The following SOS1 variants were observed in gnomAD, a reference collection of about 807,000 sequenced individuals.
The protein encoded by SOS1 is son of sevenless homolog 1.
A neutral mutation model predicts 157.6 loss-of-function variants in SOS1; 25 were observed. The observed-to-expected ratio is 0.16, with a 90% confidence interval of 0.12 to 0.22. The LOEUF is 0.22. Ranked by LOEUF, SOS1 falls within the 10% of genes least tolerant of loss-of-function variation. SOS1 has a pLI of 1.00. For missense variants in SOS1, 1,237 were observed against 1,599.1 expected (o/e 0.77, Z 3.86); for synonymous variants, 528 against 534.0 (o/e 0.99, Z 0.16).
At chr2:39,027,581 TTGTGGCTACAGA>T (rs970979326) in intron 8 of SOS1, among the ~76,000 whole-genome samples, 6 of 152,206 alleles carry the variant, frequency 3.9e-5, no homozygotes, top group African/African-American at 7.2e-5. Flanking sequence ...GGGTGGCTTA[TTGTGGCTACAGA>T]GACAAAGCAG....
At chr2:39,122,447 T>TATACACAC (rs1279881533), upstream of SOS1, among the ~76,000 whole-genome samples, 4 of 142,210 alleles carry the variant, frequency 2.8e-5, no homozygotes, top group African/African-American at 1.0e-4. Context: ...AAAAAAAATA[T>TATACACAC]ACACACACAC....
At chr2:39,057,946 C>T (rs899948171) in intron 3 of SOS1, among the ~76,000 whole-genome samples, 2 of 152,034 alleles carry the variant, frequency 1.3e-5, no homozygotes, top group Non-Finnish European at 2.9e-5. Context: ...TAATCACTTT[C>T]TGCCTCTGTC....
intron 20 of SOS1, 70 bp downstream of exon 20, chr2:38,995,053 G>T: frequency 1.5e-6 from 2 of 1,310,712 alleles, no homozygotes; most frequent in Non-Finnish European, 2.2e-6. Flanking sequence ...AAATAACAGA[G>T]ATTCTTTTTT....
At chr2:39,034,770 AC>A in intron 8 of SOS1, 1 of 455,656 alleles carries the variant, frequency 2.2e-6, no homozygotes, top group South Asian at 1.6e-5. Flanking sequence ...AGGTAAACTA[AC>A]CTTCCCCATT....
intron 6 of SOS1, among the ~76,000 whole-genome samples, chr2:39,045,903 C>T (rs1000663392): frequency 2.0e-5 from 3 of 151,752 alleles, no homozygotes; most frequent in East Asian, 1.9e-4. Flanking sequence ...TAGTAGAGAC[C>T]GGGTTTCACC....
At chr2:39,072,899 G>A (rs1324736033) in intron 1 of SOS1, among the ~76,000 whole-genome samples, 1 of 152,078 alleles carries the variant, frequency 6.6e-6, no homozygotes, top group African/African-American at 2.4e-5. Flanking sequence ...AACTCTAACT[G>A]AAAAACAAAG....
chr2:39,016,187 C>T (rs1007640963), intron 10 of SOS1, among the ~76,000 whole-genome samples: 2 of 151,784 alleles, frequency 1.3e-5, no homozygotes, highest in East Asian at 1.9e-4. Flanking sequence ...ATGTGGTCAT[C>T]GAGATAATAA....
At chr2:39,051,077 A>T in intron 6 of SOS1, 67 bp downstream of exon 6, 1 of 1,395,272 alleles carries the variant, frequency 7.2e-7, no homozygotes, top group Non-Finnish European at 1.0e-6. Flanking sequence ...AAGAAGTAAG[A>T]CTCTCAATTT....
chr2:39,057,345 T>G (rs896354727), intron 3 of SOS1, among the ~76,000 whole-genome samples: 3 of 152,182 alleles, frequency 2.0e-5, no homozygotes, highest in Admixed American at 1.3e-4. Flanking sequence ...ATTCCTGGTA[T>G]TCCTGGCAAT....
At chr2:39,036,677 C>G (rs1196442806) in intron 6 of SOS1, among the ~76,000 whole-genome samples, 1 of 152,148 alleles carries the variant, frequency 6.6e-6, no homozygotes, top group Non-Finnish European at 1.5e-5. Flanking sequence ...AAGTTCACGC[C>G]ATTCTCCTGC....
At chr2:39,054,158 A>AC (rs1488182596) in intron 5 of SOS1, among the ~76,000 whole-genome samples, 1 of 152,108 alleles carries the variant, frequency 6.6e-6, no homozygotes, top group East Asian at 1.9e-4. Context: ...CCATCTCCTG[A>AC]CCTCGTGATC....
Position 38,985,748 on chromosome 2 carries a change from T to A in SOS1, c.*76A>T. 1 of 1,554,788 alleles carries A rather than the reference T, an allele frequency of 6.4e-7. No individual in the cohort carries two copies. The highest frequency in any genetic ancestry group is 1.9e-4 in the Middle Eastern group (1 of 5,350). ...TGGAGTTCTCATTTTAACTCCTCAG[T>A]GCTGGCACATTCAGTGCATCCATTG... is the stretch of plus-strand genomic sequence containing the variant. On this transcript the variant is annotated 3_prime_UTR_variant, in exon 23 of 23. Transcript: ENST00000402219.
chr2:39,000,581 T>G (rs1382417435), intron 17 of SOS1, among the ~76,000 whole-genome samples: 1 of 152,236 alleles, frequency 6.6e-6, no homozygotes, highest in Non-Finnish European at 1.5e-5. Flanking sequence ...TCACCTTTTT[T>G]GCTGATGTCT....
chr2:39,111,914 G>C (rs748786590), intron 1 of SOS1, among the ~76,000 whole-genome samples: 5 of 151,992 alleles, frequency 3.3e-5, no homozygotes, highest in African/African-American at 4.8e-5. Context: ...ATTTTTGGTA[G>C]AAGTGAGGTT....
intron 1 of SOS1, among the ~76,000 whole-genome samples, chr2:39,079,069 A>C (rs1672115833): frequency 9.7e-5 from 1 of 10,310 alleles, no homozygotes; most frequent in Non-Finnish European, 2.1e-4. Flanking sequence ...TCCCAAAAAA[A>C]AAAAAAAAAA....
chr2:39,120,581 G>T lies in SOS1; in HGVS notation c.-159C>A. The T allele has an allele frequency of 1.2e-6, 1 of 859,578 alleles. No homozygotes were observed. The highest frequency in any genetic ancestry group is 1.4e-6 in the Non-Finnish European group (1 of 707,332). The allele number at this position is 859,578 out of a possible 1,614,324, so 53.2% of individuals were successfully genotyped here. Reference sequence around the variant, plus strand: ...CAGCCGGGCTAGCCCTGGCGAGGGGGCTGGGGGGCGAGGCCCGCGCCTGGC... The same window carrying T: ...CAGCCGGGCTAGCCCTGGCGAGGGGTCTGGGGGGCGAGGCCCGCGCCTGGC... On this transcript the variant is annotated 5_prime_UTR_variant, in exon 1 of 23. Transcript: ENST00000402219.
intron 10 of SOS1, among the ~76,000 whole-genome samples, chr2:39,020,989 A>C (rs1476971913): frequency 6.6e-6 from 1 of 151,768 alleles, no homozygotes; most frequent in African/African-American, 2.4e-5. Flanking sequence ...TAAGTAAAAT[A>C]ATCTCATCAA....
At chr2:39,062,834 T>C (rs1671456971) in intron 2 of SOS1, among the ~76,000 whole-genome samples, 2 of 151,964 alleles carry the variant, frequency 1.3e-5, no homozygotes, top group Non-Finnish European at 2.9e-5. Flanking sequence ...GCCTCTATTT[T>C]TTCAAAGTTT....
At chr2:39,047,746 C>G (rs1053680998) in intron 6 of SOS1, among the ~76,000 whole-genome samples, 12 of 152,220 alleles carry the variant, frequency 7.9e-5, no homozygotes, top group Non-Finnish European at 1.6e-4. Context: ...TCTTGGCTCA[C>G]TGCAACCTCT....
Sources: gnomAD v4.1 joint callset for allele counts (sites outside exome capture counted in the v4.1 genomes callset) on GRCh38, gnomAD v4.1.1 for gene constraint, MANE v1.5 for transcripts, NCBI Gene and HGNC (gene_info 2026-07-23, HGNC 2026-07-21) for gene names.